Variants in EML2 observed in about 807,000 individuals in gnomAD.
EML2 encodes the protein EMAP like 2.
In EML2, 59 loss-of-function variants were observed where a neutral mutation model predicts 84.7. That is an observed-to-expected ratio of 0.70 (90% CI 0.56 to 0.86). EML2 has a LOEUF of 0.86. Among genes scored for constraint, EML2 ranks in the 40% least tolerant of loss-of-function variants. The pLI is 0.00. For synonymous variants in EML2, 352 were observed against 348.9 expected (o/e 1.01, Z -0.10); for missense variants, 818 against 855.6 (o/e 0.96, Z 0.55).
intron 14 of EML2, 26 bp from the exon 15 acceptor site, chr19:45,616,584 A>G: frequency 6.4e-7 from 1 of 1,574,400 alleles, no homozygotes; most frequent in Non-Finnish European, 8.7e-7. Context: ...GGGGGCTATG[A>G]GGAGGCACCC....
chr19:45,642,542 T>G, upstream of EML2: 1 of 1,403,090 alleles, frequency 7.1e-7, no homozygotes, highest in African/African-American at 1.5e-5. Flanking sequence ...CCCACAGCTC[T>G]CCAACCCATC....
upstream of EML2, chr19:45,641,729 A>G: frequency 6.5e-7 from 1 of 1,535,962 alleles, no homozygotes. Context: ...CGCTCTGGTG[A>G]CAAGTAGCGG....
At chr19:45,639,522 A>C, upstream of EML2, 1 of 803,028 alleles carries the variant, frequency 1.2e-6, no homozygotes, top group Non-Finnish European at 1.7e-6. Flanking sequence ...CGGGTCACAC[A>C]TCCCGGGCTG....
At position 45,638,540 on chromosome 19, in the gene EML2, C is replaced by T. The variant is rs766643237; in HGVS notation, c.144G>A (p.Ser48=). ...LAPTYSLDTR[S]ELPSCRLKLE... ...GCTTGAGCCGGCAAGAAGGCAGCTC[C>T]GAGCGTGTGTCCAGGCTGTAGGTGG... The change falls in exon 3 of 19, where the codon TCG becomes TCA. Residue 48 remains serine (S), a synonymous_variant. Coordinates refer to ENST00000245925, the MANE Select transcript of EML2 (RefSeq NM_012155.4). 2.2e-5 allele frequency: 36 copies of T among 1,613,900 alleles called. No homozygotes were observed. The highest frequency in any genetic ancestry group is 4.0e-5 in the African/African-American group (3 of 74,870).
At chr19:45,637,667 CTTTTTTTTTTTTTTTT>C (rs58180181) in intron 3 of EML2, among the ~76,000 whole-genome samples, 1 of 48,894 alleles carries the variant, frequency 2.0e-5, no homozygotes, top group Non-Finnish European at 4.0e-5. Flanking sequence ...TTTTTCTTTT[CTTTTTTTTTTTTTTTT>C]TTTTTTTTTT....
intron 3 of EML2, 104 bp downstream of exon 3, chr19:45,638,401 G>A (rs1600223984): frequency 1.3e-6 from 2 of 1,539,406 alleles, no homozygotes; most frequent in Admixed American, 1.7e-5. Context: ...GGCCTCAAAC[G>A]ATCCTCCCAA....
At chr19:45,628,239 G>A (rs190541574) in intron 7 of EML2, among the ~76,000 whole-genome samples, 60 of 150,386 alleles carry the variant, frequency 4.0e-4, no homozygotes, top group Non-Finnish European at 7.5e-4. Flanking sequence ...GTGGTGGTGC[G>A]CACCTGTAAT....
chr19:45,639,423 G>C (rs1974186796), upstream of EML2: 22 of 1,247,694 alleles, frequency 1.8e-5, no homozygotes, highest in Admixed American at 4.2e-5. Context: ...GCCGGGACCG[G>C]CTCTGCCGCT....
intron 13 of EML2, among the ~76,000 whole-genome samples, 198 bp from the exon 14 acceptor site, chr19:45,617,051 G>C (rs1358052220): frequency 6.6e-6 from 1 of 152,148 alleles, no homozygotes; most frequent in East Asian, 1.9e-4. Flanking sequence ...TTCGAAATCA[G>C]CCTGGTCAAC....
intron 3 of EML2, among the ~76,000 whole-genome samples, chr19:45,636,684 C>T (rs1170478805): frequency 1.1e-4 from 17 of 152,222 alleles, no homozygotes; most frequent in African/African-American, 3.9e-4. Context: ...CGGTGGCTCA[C>T]GCCTGTAATC....
At chr19:45,626,256 C>A (rs1050231883) in intron 8 of EML2, among the ~76,000 whole-genome samples, 1 of 152,108 alleles carries the variant, frequency 6.6e-6, no homozygotes, top group Admixed American at 6.6e-5. Context: ...AAGGGATCCT[C>A]CCCCCTCAGC....
chr19:45,634,953 C>T (rs1416574655), intron 3 of EML2, among the ~76,000 whole-genome samples: 8 of 152,248 alleles, frequency 5.3e-5, no homozygotes, highest in East Asian at 1.9e-4. Context: ...CTGGTTCAAA[C>T]GATTCCCCTG....
chr19:45,614,897 C>G (rs1304179338), intron 16 of EML2, 197 bp from the exon 17 acceptor site: 1 of 524,968 alleles, frequency 1.9e-6, no homozygotes. Context: ...GGAGCATCTA[C>G]TTTTAAACCC....
Position 45,619,340 on chromosome 19 carries a change from G to T in EML2, c.1123-149C>A, listed in dbSNP as rs143523307. The T allele has an allele frequency of 2.9e-6, 3 of 1,051,792 alleles. No homozygotes were observed. In the African/African-American group the frequency reaches 4.8e-5, roughly 17 times the overall value. The allele number at this position is 1,051,792 out of a possible 1,614,324, so 65.2% of individuals were successfully genotyped here. On this transcript the variant is annotated intron_variant, in intron 11 of 18. Coordinates refer to ENST00000245925, the MANE Select transcript of EML2 (RefSeq NM_012155.4). ...AGACCTTTCCCAGTATGTCTGAAGG[G>T]GGCCTCAATTGGGCATCTGAACCCA...
At chr19:45,614,953 A>T in intron 16 of EML2, 1 of 391,320 alleles carries the variant, frequency 2.6e-6, no homozygotes, top group Non-Finnish European at 4.8e-6. Context: ...CCCAGGAGGC[A>T]GCATGAGCCA....
intron 3 of EML2, 28 bp downstream of exon 3, chr19:45,638,477 C>G: frequency 6.2e-7 from 1 of 1,613,544 alleles, no homozygotes. Context: ...GGGATGGGAG[C>G]ACCAAGGAGA....
intron 9 of EML2, among the ~76,000 whole-genome samples, chr19:45,623,222 G>C (rs535802576): frequency 6.6e-6 from 1 of 152,196 alleles, no homozygotes; most frequent in Non-Finnish European, 1.5e-5. Context: ...AGCCGGGTGT[G>C]GTGGCGGGCA....
rs1455039242 is a variant in EML2 at position 45,613,658 on chromosome 19, C to T, written c.1707G>A (p.Glu569=). The change falls in exon 18 of 19, where the codon GAG becomes GAA. Residue 569 remains glutamate (E), a synonymous_variant. Transcript: ENST00000245925. ...LGFGVFGIWS[E]GADGTDINAV... ...CGTTGATATCAGTGCCGTCCGCCCC[C>T]TCAGACCAGATCCCTGTGGGCAAGA... is the stretch of plus-strand genomic sequence containing the variant. 6.2e-7 allele frequency: 1 copy of T among 1,613,834 alleles called. No individual in the cohort carries two copies. The highest frequency in any genetic ancestry group is 8.5e-7 in the Non-Finnish European group (1 of 1,179,798).
chr19:45,632,312 C>A (rs573948625), intron 6 of EML2, among the ~76,000 whole-genome samples: 2 of 151,804 alleles, frequency 1.3e-5, no homozygotes. Flanking sequence ...CTCAGCCTCC[C>A]GAGTAGCTGG....
Sources: gnomAD v4.1 joint callset for allele counts (sites outside exome capture counted in the v4.1 genomes callset) on GRCh38, gnomAD v4.1.1 for gene constraint, MANE v1.5 for transcripts, NCBI Gene and HGNC (gene_info 2026-07-23, HGNC 2026-07-21) for gene names.